LRRFIP1: variants seen among roughly 807,000 people sequenced by gnomAD.
LRRFIP1 encodes LRR binding FLII interacting protein 1.
LRRFIP1 carries 62 observed loss-of-function variants against 104.4 expected under a neutral mutation model. The ratio of observed to expected loss-of-function variants is 0.59; its 90% CI spans 0.48 to 0.73. The LOEUF (loss-of-function observed/expected upper bound fraction) is 0.73, where lower values mean the gene tolerates loss of function less well. LRRFIP1 is among the 30% of genes least tolerant of loss of function. The pLI is 0.00. For missense variants in LRRFIP1, 796 were observed against 824.5 expected (o/e 0.97, Z 0.42); for synonymous variants, 300 against 299.0 (o/e 1.00, Z -0.03).
intron 1 of LRRFIP1, among the ~76,000 whole-genome samples, chr2:237,683,060 C>A (rs1466566011): frequency 6.6e-6 from 1 of 152,232 alleles, no homozygotes; most frequent in Admixed American, 6.5e-5. Flanking sequence ...ACGCGGCTAG[C>A]CATCCTGCAA....
intron 10 of LRRFIP1, among the ~76,000 whole-genome samples, chr2:237,738,450 C>T (rs2095319148): frequency 6.6e-6 from 1 of 152,188 alleles, no homozygotes; most frequent in South Asian, 2.1e-4. Context: ...CTATATGGTG[C>T]TGCGTGGGTC....
chr2:237,694,678 G>C (rs1011807660), intron 1 of LRRFIP1, among the ~76,000 whole-genome samples: 2 of 152,216 alleles, frequency 1.3e-5, no homozygotes, highest in Non-Finnish European at 2.9e-5. Context: ...AGAGGAAGTA[G>C]ATTTGGCAAG....
intron 2 of LRRFIP1, among the ~76,000 whole-genome samples, chr2:237,712,970 G>C (rs191040283): frequency 6.6e-6 from 1 of 152,264 alleles, no homozygotes; most frequent in African/African-American, 2.4e-5. Flanking sequence ...TTGATACTTT[G>C]GTGTAAAAAT....
At position 237,655,432 on chromosome 2, in the gene LRRFIP1, G is replaced by T. The variant is rs911984047; in HGVS notation, c.96+27692G>T. Among the ~76,000 whole-genome samples, 3 of 147,106 alleles carry T rather than the reference G, an allele frequency of 2.0e-5. No homozygotes were observed. The Admixed American group carries it at 2.1e-4, about 10-fold the overall frequency. ...GCCGTCACTCATCTTCTAATGGAAA[G>T]AATTTGCATTTATAAAAGAAGGATT... On this transcript the variant is annotated intron_variant, in intron 1 of 23. Transcript: ENST00000308482.
At chr2:237,767,172 T>C (rs928840739) in intron 19 of LRRFIP1, among the ~76,000 whole-genome samples, 1 of 151,540 alleles carries the variant, frequency 6.6e-6, no homozygotes, top group African/African-American at 2.4e-5. Context: ...TGAAACCCTG[T>C]CTCAAAAAAA....
At chr2:237,684,866 T>G (rs1006822806) in intron 1 of LRRFIP1, among the ~76,000 whole-genome samples, 4 of 151,500 alleles carry the variant, frequency 2.6e-5, no homozygotes, top group Non-Finnish European at 5.9e-5. Context: ...GTTAGTGGAT[T>G]GCTTGAGCCC....
At chr2:237,751,331 A>G (rs2058604449) in intron 14 of LRRFIP1, 60 bp downstream of exon 14, 5 of 1,294,074 alleles carry the variant, frequency 3.9e-6, no homozygotes, top group Non-Finnish European at 4.3e-6. Context: ...AAAAAAAAAA[A>G]CAACATCCTA....
Position 237,779,570 on chromosome 2 carries a change from G to A in LRRFIP1, c.*38G>A. On this transcript the variant is annotated 3_prime_UTR_variant, in exon 24 of 24. Coordinates refer to ENST00000308482, the MANE Select transcript of LRRFIP1 (RefSeq NM_001137550.2). ...ATCAGGCAACTGGTTGGTGACTGGA[G>A]AGCATTGTTTCATAGGCTTTTCTCT... 1 of 1,535,812 alleles carries A rather than the reference G, an allele frequency of 6.5e-7. No individual in the cohort carries two copies. Among genetic ancestry groups the A allele is most frequent in the Non-Finnish European group, 9.0e-7 (1 of 1,110,772 alleles).
chr2:237,753,522 G>A (rs1250641566), intron 15 of LRRFIP1, 43 bp downstream of exon 15: 2 of 1,486,276 alleles, frequency 1.3e-6, no homozygotes, highest in Admixed American at 2.5e-5. Flanking sequence ...TAGGCTGCGT[G>A]CAGTGGCCCA....
intron 11 of LRRFIP1, among the ~76,000 whole-genome samples, chr2:237,739,702 C>T (rs927977857): frequency 1.3e-5 from 2 of 152,156 alleles, no homozygotes; most frequent in Admixed American, 6.5e-5. Context: ...ATTCGTTACC[C>T]TCCTGGTTCT....
At chr2:237,774,095 G>C in intron 22 of LRRFIP1, 2 of 416,802 alleles carry the variant, frequency 4.8e-6, no homozygotes, top group Non-Finnish European at 8.7e-6. Context: ...CAGGCAGCAA[G>C]GTGCCAGCAC....
intron 1 of LRRFIP1, among the ~76,000 whole-genome samples, chr2:237,663,244 A>C (rs1348589005): frequency 3.3e-5 from 5 of 152,244 alleles, no homozygotes; most frequent in South Asian, 2.1e-4. Flanking sequence ...GATTGTGAGC[A>C]TTCTGTGAGA....
rs11686141 is a variant in LRRFIP1 at position 237,780,915 on chromosome 2, A to G, written c.*1383A>G. On this transcript the variant is annotated 3_prime_UTR_variant, in exon 24 of 24. Coordinates refer to ENST00000308482, the MANE Select transcript of LRRFIP1 (RefSeq NM_001137550.2). ...GCCACTGCCCATTGGGAAGCAGACA[A>G]GTTATAGGGGGCTGGGGGCCAACAC... is the stretch of plus-strand genomic sequence containing the variant. Among the ~76,000 whole-genome samples the G allele has an allele frequency of 0.043, 6,573 of 152,216 alleles. 164 individuals carry two copies. The highest frequency in any genetic ancestry group is 0.13 in the Middle Eastern group (39 of 294).
intron 13 of LRRFIP1, among the ~76,000 whole-genome samples, chr2:237,750,392 A>G (rs771868023): frequency 3.1e-5 from 4 of 129,826 alleles, no homozygotes; most frequent in Admixed American, 9.2e-5. Context: ...GCTGGAGTTC[A>G]ATGGCACGAT....
At chr2:237,779,281 A>T (rs1481117439) in intron 23 of LRRFIP1, 141 bp from the exon 24 acceptor site, 3 of 1,309,640 alleles carry the variant, frequency 2.3e-6, no homozygotes, top group Non-Finnish European at 3.0e-6. Context: ...GTTGTTTCAG[A>T]GGAGGAAGGG....
At chr2:237,654,223 A>C (rs1333719149) in intron 1 of LRRFIP1, among the ~76,000 whole-genome samples, 2 of 152,242 alleles carry the variant, frequency 1.3e-5, no homozygotes, top group Non-Finnish European at 2.9e-5. Context: ...TTTTCAAAAG[A>C]AGACATACAA....
chr2:237,708,737 T>C (rs1367718764), intron 2 of LRRFIP1, 107 bp downstream of exon 2: 3 of 1,259,428 alleles, frequency 2.4e-6, no homozygotes, highest in Non-Finnish European at 3.4e-6. Context: ...CTGTCTCACG[T>C]TGCTCACGGT....
At chr2:237,748,226 G>A in intron 11 of LRRFIP1, 138 bp from the exon 12 acceptor site, 2 of 708,714 alleles carry the variant, frequency 2.8e-6, no homozygotes, top group East Asian at 2.7e-5. Flanking sequence ...TAAATTTGGA[G>A]TGTCCCATTT....
At chr2:237,759,544 G>A (rs1192658959) in intron 18 of LRRFIP1, among the ~76,000 whole-genome samples, 1 of 152,220 alleles carries the variant, frequency 6.6e-6, no homozygotes, top group African/African-American at 2.4e-5. Context: ...AGTGATGTCT[G>A]CAGTTGGGAA....
Sources: gnomAD v4.1 joint callset for allele counts (sites outside exome capture counted in the v4.1 genomes callset) on GRCh38, gnomAD v4.1.1 for gene constraint, MANE v1.5 for transcripts, NCBI Gene and HGNC (gene_info 2026-07-23, HGNC 2026-07-21) for gene names.